NUDCD3: variants seen among roughly 807,000 people sequenced by gnomAD.
NUDCD3 encodes the protein NudC domain containing 3.
In NUDCD3, 13 loss-of-function variants were observed where a neutral mutation model predicts 39.7. That is an observed-to-expected ratio of 0.33 (90% CI 0.21 to 0.52). The LOEUF is 0.52. Ranked by LOEUF, NUDCD3 falls within the 20% of genes least tolerant of loss-of-function variation. The pLI, the probability that NUDCD3 is intolerant of heterozygous loss-of-function variation, is 0.96. For missense variants in NUDCD3, 453 were observed against 458.1 expected, an observed-to-expected ratio of 0.99 and a Z score of 0.10; for synonymous variants, 175 against 172.4, an observed-to-expected ratio of 1.02 and a Z score of -0.12.
intron 2 of NUDCD3, among the ~76,000 whole-genome samples, chr7:44,480,715 G>A (rs1235286900): frequency 2.6e-5 from 4 of 152,048 alleles, no homozygotes. Flanking sequence ...GCTGAGGCGA[G>A]TGGATCACTT....
intron 2 of NUDCD3, among the ~76,000 whole-genome samples, chr7:44,473,597 T>C (rs1177906076): frequency 6.6e-6 from 1 of 152,212 alleles, no homozygotes; most frequent in African/African-American, 2.4e-5. Context: ...GTGTACTATA[T>C]ATAGTAGGGA....
At chr7:44,479,107 C>T (rs1400838766) in intron 2 of NUDCD3, among the ~76,000 whole-genome samples, 2 of 152,170 alleles carry the variant, frequency 1.3e-5, no homozygotes, top group Admixed American at 6.5e-5. Context: ...CTCACTATCA[C>T]GAGAACCACA....
chr7:44,400,806 TCTC>T (rs1381881922), intron 4 of NUDCD3, among the ~76,000 whole-genome samples: 1 of 152,170 alleles, frequency 6.6e-6, no homozygotes, highest in African/African-American at 2.4e-5. Flanking sequence ...ATCTCTGTCT[TCTC>T]CTGTTTCTTA....
At chr7:44,464,953 G>A (rs1038992011) in intron 2 of NUDCD3, among the ~76,000 whole-genome samples, 1 of 152,110 alleles carries the variant, frequency 6.6e-6, no homozygotes, top group East Asian at 1.9e-4. Flanking sequence ...ATCCATCCCA[G>A]GGGCCGAGCC....
At chr7:44,397,711 A>T (rs898444833) in intron 4 of NUDCD3, among the ~76,000 whole-genome samples, 13 of 152,086 alleles carry the variant, frequency 8.5e-5, no homozygotes, top group Admixed American at 2.0e-4. Context: ...CAGCTCTCTC[A>T]CTCTATATGT....
chr7:44,486,273 T>C (rs1324976211), intron 1 of NUDCD3, among the ~76,000 whole-genome samples: 1 of 152,210 alleles, frequency 6.6e-6, no homozygotes, highest in Non-Finnish European at 1.5e-5. Context: ...TAAATAACAA[T>C]GTTCTGTGCA....
At chr7:44,399,794 G>A (rs779118198) in intron 4 of NUDCD3, among the ~76,000 whole-genome samples, 22 of 152,200 alleles carry the variant, frequency 1.4e-4, no homozygotes, top group Non-Finnish European at 2.9e-4. Context: ...TAAATTGAGG[G>A]GAGGAGGTGG....
At chr7:44,432,895 A>G (rs977055782) in intron 2 of NUDCD3, among the ~76,000 whole-genome samples, 1 of 152,140 alleles carries the variant, frequency 6.6e-6, no homozygotes, top group South Asian at 2.1e-4. Context: ...CAATGTACAT[A>G]TATGTGCTAG....
intron 4 of NUDCD3, among the ~76,000 whole-genome samples, chr7:44,401,226 G>A (rs1007064494): frequency 2.6e-5 from 4 of 152,178 alleles, no homozygotes; most frequent in Non-Finnish European, 5.9e-5. Context: ...CACAGCAGAC[G>A]TGATGCAGCA....
intron 3 of NUDCD3, among the ~76,000 whole-genome samples, chr7:44,409,780 G>A (rs1798888360): frequency 1.3e-5 from 2 of 152,070 alleles, no homozygotes; most frequent in Non-Finnish European, 2.9e-5. Context: ...TTTAAGTAGA[G>A]AATATCAATA....
intron 3 of NUDCD3, among the ~76,000 whole-genome samples, chr7:44,424,850 TA>T (rs1799203943): frequency 6.6e-6 from 1 of 152,194 alleles, no homozygotes; most frequent in African/African-American, 2.4e-5. Context: ...CATGTATGTT[TA>T]CTGCAGCACT....
intron 3 of NUDCD3, among the ~76,000 whole-genome samples, chr7:44,420,830 A>G (rs1799123387): frequency 6.6e-6 from 1 of 152,242 alleles, no homozygotes; most frequent in East Asian, 1.9e-4. Context: ...GGCCTGCCTT[A>G]CAAGAGCTCC....
In NUDCD3 at chr7:44,413,702, T is replaced by C. The variant is rs142508482; in HGVS notation, c.643-9119A>G. The stretch of plus-strand genomic sequence containing the variant: ...ACCAAGGGCTCTTGTACATTGTTGA[T>C]GGATATGTAAGTTAGTATAACCCCA... On this transcript the variant is annotated intron_variant, in intron 3 of 5. Transcript: ENST00000355451. Among the ~76,000 whole-genome samples, 15 of 152,336 alleles carry C rather than the reference T, an allele frequency of 9.8e-5. No individual in the cohort carries two copies. The East Asian group carries it at 2.7e-3, about 27-fold the overall frequency.
intron 2 of NUDCD3, among the ~76,000 whole-genome samples, chr7:44,453,059 A>G (rs1335785564): frequency 6.6e-6 from 1 of 152,236 alleles, no homozygotes; most frequent in Non-Finnish European, 1.5e-5. Flanking sequence ...GACTTTAAAA[A>G]TAAACAATGT....
In NUDCD3 at chr7:44,455,333, G is replaced by A. The variant is rs540714005; in HGVS notation, c.510-27630C>T. Among the ~76,000 whole-genome samples, 220 of 152,112 alleles carry A rather than the reference G, an allele frequency of 1.4e-3. 1 individual carries two copies. Among genetic ancestry groups the A allele is most frequent in the African/African-American group, 5.2e-3 (217 of 41,484 alleles). On this transcript the variant is annotated intron_variant, in intron 2 of 5. Transcript: ENST00000355451. Reference sequence around the variant, plus strand: ...TGCACGGGGTCCTTTCTCATCCACAGTTCACACACTCATCTGTCACCATGT... The same window carrying A: ...TGCACGGGGTCCTTTCTCATCCACAATTCACACACTCATCTGTCACCATGT...
intron 2 of NUDCD3, among the ~76,000 whole-genome samples, chr7:44,443,421 C>G (rs1194377969): frequency 6.7e-6 from 1 of 149,864 alleles, no homozygotes; most frequent in South Asian, 2.1e-4. Flanking sequence ...TTTTTCTTTT[C>G]TTTTTTTGAG....
At chr7:44,475,047 C>G (rs1321469801) in intron 2 of NUDCD3, among the ~76,000 whole-genome samples, 1 of 152,174 alleles carries the variant, frequency 6.6e-6, no homozygotes, top group Non-Finnish European at 1.5e-5. Flanking sequence ...AGCATATGCC[C>G]TCATCCAAGG....
intron 3 of NUDCD3, among the ~76,000 whole-genome samples, chr7:44,416,950 T>C (rs904963562): frequency 1.3e-5 from 2 of 152,184 alleles, no homozygotes; most frequent in Admixed American, 6.5e-5. Flanking sequence ...CAACTCACTA[T>C]TTCAAGACAC....
At chr7:44,444,003 T>G (rs184176402) in intron 2 of NUDCD3, among the ~76,000 whole-genome samples, 1 of 152,298 alleles carries the variant, frequency 6.6e-6, no homozygotes, top group East Asian at 1.9e-4. Context: ...AGATTCCAGG[T>G]GTGTTCATCT....
Sources: allele counts gnomAD v4.1 joint callset (sites outside exome capture counted in the v4.1 genomes callset), GRCh38; gene constraint gnomAD v4.1.1; transcripts MANE v1.5; gene names NCBI Gene and HGNC (gene_info 2026-07-23, HGNC 2026-07-21).